Variants in FOXN3 observed in about 807,000 individuals in gnomAD.
FOXN3 encodes the protein forkhead box protein N3.
Under a neutral mutation model 38.4 loss-of-function variants are expected in FOXN3, and 7 were observed. The ratio of observed to expected loss-of-function variants is 0.18; its 90% CI spans 0.10 to 0.34. FOXN3 has a LOEUF of 0.34. FOXN3 is among the 10% of genes least tolerant of loss of function. The probability of loss-of-function intolerance (pLI) is 1.00; values close to 1 mark genes in which losing one functional copy is unlikely to be tolerated. For synonymous variants in FOXN3, 230 were observed against 242.2 expected, an observed-to-expected ratio of 0.95 and a Z score of 0.47; for missense variants, 456 against 613.4, an observed-to-expected ratio of 0.74 and a Z score of 2.71.
At chr14:89,181,911 A>G (rs1171393037) in intron 4 of FOXN3, among the ~76,000 whole-genome samples, 2 of 152,204 alleles carry the variant, frequency 1.3e-5, no homozygotes, top group African/African-American at 4.8e-5. Flanking sequence ...GACTCTGTGC[A>G]GGTCTGTGGA....
At chr14:89,300,830 T>G (rs1300880746) in intron 3 of FOXN3, among the ~76,000 whole-genome samples, 1 of 152,228 alleles carries the variant, frequency 6.6e-6, no homozygotes, top group African/African-American at 2.4e-5. Flanking sequence ...GGAGTCTCGC[T>G]CTGTTGCTCA....
intron 1 of FOXN3, among the ~76,000 whole-genome samples, chr14:89,487,968 C>A (rs185069299): frequency 2.1e-4 from 32 of 152,156 alleles, no homozygotes; most frequent in Admixed American, 1.6e-3. Flanking sequence ...GGTTGGAAAG[C>A]GTGAGGGCTA....
chr14:89,223,624 G>C (rs1884539702), intron 4 of FOXN3, among the ~76,000 whole-genome samples: 1 of 152,218 alleles, frequency 6.6e-6, no homozygotes. Context: ...GAAAGCATCT[G>C]ATTTGGAATT....
intron 4 of FOXN3, among the ~76,000 whole-genome samples, chr14:89,204,814 CCATCCATCCATCCATGCATTCATG>C (rs1453798633): frequency 6.6e-6 from 1 of 151,802 alleles, no homozygotes; most frequent in Non-Finnish European, 1.5e-5. Context: ...ATCCATCCAT[CCATCCATCCATCCATGCATTCATG>C]CATCCATCCA....
intron 1 of FOXN3, among the ~76,000 whole-genome samples, chr14:89,515,947 C>T (rs1482792607): frequency 1.3e-5 from 2 of 152,300 alleles, no homozygotes; most frequent in East Asian, 3.9e-4. Context: ...AACCCAGGAG[C>T]AGATGTTCTC....
intron 1 of FOXN3, among the ~76,000 whole-genome samples, chr14:89,450,574 C>T (rs1485446307): frequency 6.8e-6 from 1 of 148,032 alleles, no homozygotes; most frequent in Non-Finnish European, 1.5e-5. Context: ...AAATAACATT[C>T]TCGACTTCAT....
intron 1 of FOXN3, among the ~76,000 whole-genome samples, chr14:89,531,828 G>C (rs1357233936): frequency 7.1e-6 from 1 of 140,182 alleles, no homozygotes; most frequent in African/African-American, 2.7e-5. Context: ...GTTTTGTTTT[G>C]AGACAGAGTC....
At chr14:89,196,547 C>T (rs10148147) in intron 4 of FOXN3, among the ~76,000 whole-genome samples, 55,065 of 152,028 alleles carry the variant, frequency 0.36, 12,053 homozygotes, top group African/African-American at 0.62. Flanking sequence ...TGATTTGCTC[C>T]TCCCTTTGTG....
At chr14:89,211,955 G>A (rs930397302) in intron 4 of FOXN3, among the ~76,000 whole-genome samples, 1 of 152,168 alleles carries the variant, frequency 6.6e-6, no homozygotes, top group Non-Finnish European at 1.5e-5. Flanking sequence ...AGGAGGTCAT[G>A]TTCTTCATGA....
chr14:89,282,351 C>T (rs934009452), intron 3 of FOXN3, among the ~76,000 whole-genome samples: 9 of 152,182 alleles, frequency 5.9e-5, no homozygotes, highest in Non-Finnish European at 1.3e-4. Flanking sequence ...GTATTTCCCA[C>T]AGCCCTGATT....
At chr14:89,340,106 G>A (rs953214596) in intron 3 of FOXN3, among the ~76,000 whole-genome samples, 3 of 151,992 alleles carry the variant, frequency 2.0e-5, no homozygotes, top group South Asian at 2.1e-4. Flanking sequence ...GAAGGAAGGG[G>A]GGTGCAGGGG....
chr14:89,468,579 G>T (rs775364014), intron 1 of FOXN3, among the ~76,000 whole-genome samples: 5 of 152,082 alleles, frequency 3.3e-5, no homozygotes, highest in Admixed American at 1.3e-4. Context: ...TCAGCTTTTT[G>T]ATCTGAATGA....
intron 5 of FOXN3, among the ~76,000 whole-genome samples, chr14:89,179,781 C>T (rs763205687): frequency 1.6e-4 from 25 of 152,182 alleles, no homozygotes; most frequent in Admixed American, 6.5e-5. Context: ...GGGAAGGGAT[C>T]ATCTTTTGTG....
rs939582037 is a variant in FOXN3, at chr14:89,484,808, C to T, written c.-14-72318G>A. ...CAGGGAGGACCCAACAGGCAGTGAG[C>T]GGGGTCTCCACTGACAACTCTCAGT... is the stretch of plus-strand genomic sequence containing the variant. On this transcript the variant is annotated intron_variant, in intron 1 of 6. Coordinates refer to the FOXN3 transcript ENST00000345097. This position sits in a 1 kb window ranked among gnomAD's most constrained non-coding sequence, Gnocchi z 4.0. Among the ~76,000 whole-genome samples, 3 of 152,102 alleles carry T rather than the reference C, an allele frequency of 2.0e-5. No homozygotes were observed. Among genetic ancestry groups the T allele is most frequent in the Non-Finnish European group, 4.4e-5 (3 of 68,014 alleles).
intron 1 of FOXN3, among the ~76,000 whole-genome samples, chr14:89,575,350 G>A (rs1895587342): frequency 6.6e-6 from 1 of 152,144 alleles, no homozygotes; most frequent in South Asian, 2.1e-4. Context: ...ATGGCAGAAA[G>A]GAAATTGGGA....
At chr14:89,490,727 T>A (rs1191794272) in intron 1 of FOXN3, among the ~76,000 whole-genome samples, 1 of 152,248 alleles carries the variant, frequency 6.6e-6, no homozygotes, top group African/African-American at 2.4e-5. Flanking sequence ...TGGGTCCAGA[T>A]GCTTTTGGTG....
chr14:89,429,127 C>T (rs937443189), intron 1 of FOXN3, among the ~76,000 whole-genome samples: 2 of 152,314 alleles, frequency 1.3e-5, no homozygotes, highest in East Asian at 1.9e-4. Flanking sequence ...AATGACCATT[C>T]CCAGTGATCC....
At chr14:89,385,868 G>C (rs964932307) in intron 2 of FOXN3, among the ~76,000 whole-genome samples, 3 of 152,228 alleles carry the variant, frequency 2.0e-5, no homozygotes, top group African/African-American at 7.2e-5. Context: ...ACATGAGAGG[G>C]AGAAAAAAGC....
intron 1 of FOXN3, among the ~76,000 whole-genome samples, chr14:89,596,686 A>G (rs945425515): frequency 7.2e-5 from 11 of 152,178 alleles, no homozygotes; most frequent in African/African-American, 2.7e-4. Flanking sequence ...AAACTTTGTA[A>G]TTACATATTC....
Sources: allele counts gnomAD v4.1 joint callset (sites outside exome capture counted in the v4.1 genomes callset), GRCh38; gene constraint gnomAD v4.1.1; non-coding constraint Gnocchi (gnomAD v3.1); transcripts MANE v1.5; gene names NCBI Gene and HGNC (gene_info 2026-07-23, HGNC 2026-07-21).